The following RGS3 variants were observed in gnomAD, a reference collection of about 807,000 sequenced individuals.
RGS3 encodes regulator of G-protein signalling 3.
A neutral mutation model predicts 132.6 loss-of-function variants in RGS3; 80 were observed. The observed-to-expected ratio is 0.60, with a 90% CI of 0.50 to 0.73. The LOEUF (loss-of-function observed/expected upper bound fraction) is 0.73. Among genes scored for constraint, RGS3 ranks in the 30% least tolerant of loss-of-function variants. RGS3 has a pLI of 0.00. For synonymous variants in RGS3, 598 were observed against 620.6 expected, an observed-to-expected ratio of 0.96 and a Z score of 0.54; for missense variants, 1,382 against 1,530.8, an observed-to-expected ratio of 0.90 and a Z score of 1.62.
At chr9:113,490,688 A>ATATAT (rs954374540) in intron 7 of RGS3, among the ~76,000 whole-genome samples, 2 of 143,712 alleles carry the variant, frequency 1.4e-5, no homozygotes, top group African/African-American at 2.5e-5. Flanking sequence ...ATAAAATATA[A>ATATAT]TATATTATAT....
At chr9:113,546,331 G>A (rs893958685) in intron 19 of RGS3, among the ~76,000 whole-genome samples, 36 of 152,094 alleles carry the variant, frequency 2.4e-4, no homozygotes, top group African/African-American at 8.7e-4. Flanking sequence ...TTCCCCCTTC[G>A]TGGTTCCCAG....
At chr9:113,570,879 G>A (rs948746981) in intron 19 of RGS3, among the ~76,000 whole-genome samples, 5 of 152,078 alleles carry the variant, frequency 3.3e-5, no homozygotes, top group African/African-American at 7.2e-5. Context: ...CAGGTGATCC[G>A]CCCTCCTCAG....
intron 19 of RGS3, among the ~76,000 whole-genome samples, chr9:113,578,374 A>G (rs779504302): frequency 1.3e-5 from 2 of 152,214 alleles, no homozygotes; most frequent in South Asian, 2.1e-4. Context: ...TAGAAATCCT[A>G]TGTTATGGCT....
At chr9:113,499,174 C>T (rs574797932) in intron 10 of RGS3, among the ~76,000 whole-genome samples, 8 of 138,672 alleles carry the variant, frequency 5.8e-5, no homozygotes, top group South Asian at 2.3e-4. Context: ...TTGCAGTGAG[C>T]GGAGATTGTA....
At chr9:113,453,793 T>TATATA (rs979665016) in intron 1 of RGS3, among the ~76,000 whole-genome samples, 1 of 147,168 alleles carries the variant, frequency 6.8e-6, no homozygotes, top group Non-Finnish European at 1.5e-5. Context: ...ATTATATGAT[T>TATATA]ATATAATATA....
At chr9:113,525,397 C>A (rs1454563148) in intron 17 of RGS3, among the ~76,000 whole-genome samples, 1 of 152,102 alleles carries the variant, frequency 6.6e-6, no homozygotes, top group African/African-American at 2.4e-5. Flanking sequence ...TAAATTGGAG[C>A]CGCAGGACCC....
chr9:113,506,477 C>A lies in RGS3; in HGVS notation c.1069C>A (p.Leu357Met). Residue 357 changes from leucine (L) to methionine (M), a missense_variant, in exon 12 of 25, where the codon CTG becomes ATG. Leu to Met is a conservative substitution (Grantham distance 15). Transcript: ENST00000350696. The surrounding 1 kb of genome is among the most constrained non-coding windows in gnomAD (Gnocchi z 4.7). The stretch of plus-strand genomic sequence containing the variant: ...TGTGGAGCACTGGAAATGTGTGGAG[C>A]TGGCCCACGAGATCCGGTGACAGGG... 1 of 1,592,386 alleles carries A rather than the reference C, an allele frequency of 6.3e-7. No homozygotes were observed. The highest frequency in any genetic ancestry group is 8.5e-7 in the Non-Finnish European group (1 of 1,170,516).
chr9:113,479,494 A>G, exon 4 of RGS3: 1 of 1,614,210 alleles, frequency 6.2e-7, no homozygotes, highest in East Asian at 2.2e-5. Context: ...TCCTTAGGTC[A>G]GCTGAGGCTG....
chr9:113,475,512 C>T (rs1290842747), intron 3 of RGS3, among the ~76,000 whole-genome samples: 1 of 152,114 alleles, frequency 6.6e-6, no homozygotes, highest in Non-Finnish European at 1.5e-5. Flanking sequence ...CTCAAGGAAT[C>T]CTCCTGCCTC....
intron 10 of RGS3, among the ~76,000 whole-genome samples, chr9:113,498,462 C>T (rs184631181): frequency 7.3e-4 from 111 of 152,306 alleles, no homozygotes; most frequent in African/African-American, 2.5e-3. Context: ...GGGGCAGCTG[C>T]GATTCTGAAC....
chr9:113,540,037 T>A (rs1832839824), intron 19 of RGS3, among the ~76,000 whole-genome samples: 1 of 152,012 alleles, frequency 6.6e-6, no homozygotes. Flanking sequence ...CTAGTATCCA[T>A]TTTTTGTAGA....
intron 19 of RGS3, among the ~76,000 whole-genome samples, chr9:113,548,543 A>G (rs773305269): frequency 3.2e-4 from 49 of 152,196 alleles, no homozygotes; most frequent in Non-Finnish European, 5.9e-4. Context: ...GCTGAGGGGA[A>G]GAGGAGGGGG....
chr9:113,584,015 A>C, exon 20 of RGS3: 1 of 1,614,126 alleles, frequency 6.2e-7, no homozygotes, highest in Non-Finnish European at 8.5e-7. Flanking sequence ...TACAGCCAGA[A>C]GGCAGGGGCA....
chr9:113,562,240 C>T (rs1273607004), intron 19 of RGS3, among the ~76,000 whole-genome samples: 1 of 152,182 alleles, frequency 6.6e-6, no homozygotes, highest in Admixed American at 6.5e-5. Flanking sequence ...CTTTGGGAGG[C>T]TGAGACGGGC....
intron 17 of RGS3, among the ~76,000 whole-genome samples, chr9:113,523,776 G>A (rs1367276593): frequency 6.6e-6 from 1 of 152,220 alleles, no homozygotes; most frequent in East Asian, 1.9e-4. Flanking sequence ...ACCCGTTTGA[G>A]GATGGGTGAC....
intron 7 of RGS3, among the ~76,000 whole-genome samples, chr9:113,493,583 T>C (rs1014387587): frequency 1.3e-5 from 2 of 152,130 alleles, no homozygotes; most frequent in South Asian, 4.1e-4. Flanking sequence ...CTAGTTTTGT[T>C]TTGCTTAGGA....
At chr9:113,519,510 C>CAAAAAAAAAA (rs35813905) in intron 16 of RGS3, among the ~76,000 whole-genome samples, 1 of 99,618 alleles carries the variant, frequency 1.0e-5, no homozygotes, top group Admixed American at 1.2e-4. Context: ...TTACTCACAC[C>CAAAAAAAAAA]AAAAAAAAAA....
chr9:113,517,683 C>T (rs1052209037), intron 16 of RGS3, 59 bp downstream of exon 14: 2 of 1,312,510 alleles, frequency 1.5e-6, no homozygotes, highest in Non-Finnish European at 1.1e-6. Flanking sequence ...TTGGCATTCT[C>T]CAGGCCCCTC....
chr9:113,502,107 C>T (rs1039223571), intron 10 of RGS3, among the ~76,000 whole-genome samples: 3 of 152,162 alleles, frequency 2.0e-5, no homozygotes, highest in African/African-American at 7.2e-5. Context: ...CTGCTGATGC[C>T]TCACTATGGC....
Sources: allele counts gnomAD v4.1 joint callset (sites outside exome capture counted in the v4.1 genomes callset), GRCh38; gene constraint gnomAD v4.1.1; non-coding constraint Gnocchi (gnomAD v3.1); transcripts MANE v1.5; gene names NCBI Gene and HGNC (gene_info 2026-07-23, HGNC 2026-07-21).